Variants in NBPF14 observed in about 807,000 individuals in gnomAD.
The protein encoded by NBPF14 is NBPF member 14.
Under a neutral mutation model 91.2 loss-of-function variants are expected in NBPF14, and 104 were observed. The ratio of observed to expected loss-of-function variants is 1.14; its 90% confidence interval spans 0.97 to 1.34. The LOEUF (loss-of-function observed/expected upper bound fraction) is 1.34. NBPF14 is among the 40% of genes most tolerant of loss of function. The pLI is 0.00. For synonymous variants in NBPF14, 294 were observed against 303.8 expected (o/e 0.97, Z 0.34); for missense variants, 908 against 783.0 (o/e 1.16, Z -1.91).
intron 59 of NBPF14, among the ~76,000 whole-genome samples, chr1:148,542,262 G>C (rs1271777185): frequency 1.4e-5 from 1 of 70,830 alleles, no homozygotes; most frequent in Non-Finnish European, 2.2e-5. Context: ...AAACCCTTGA[G>C]TCAAAATCAT....
At chr1:148,572,393 T>C in intron 21 of NBPF14, 50 bp downstream of exon 21, 1 of 404,546 alleles carries the variant, frequency 2.5e-6, no homozygotes, top group South Asian at 2.3e-5. Flanking sequence ...ATATCACCCC[T>C]ATCTGGAAGA....
intron 69 of NBPF14, among the ~76,000 whole-genome samples, 162 bp downstream of exon 69, chr1:148,534,522 C>T (rs1270158014): frequency 6.6e-6 from 1 of 151,760 alleles, no homozygotes; most frequent in East Asian, 1.9e-4. Context: ...CATGTCTAGG[C>T]TTCCAGCTGA....
intron 36 of NBPF14, among the ~76,000 whole-genome samples, chr1:148,560,218 G>T (rs1452947078): frequency 6.6e-6 from 1 of 150,914 alleles, no homozygotes; most frequent in Non-Finnish European, 1.5e-5. Context: ...CTAGTGAATT[G>T]GCCAGGTGAC....
chr1:148,557,134 T>A, intron 40 of NBPF14, among the ~76,000 whole-genome samples: 2 of 115,532 alleles, frequency 1.7e-5, no homozygotes, highest in African/African-American at 4.5e-5. Flanking sequence ...GGTGACACAC[T>A]GATGAGGGAG....
At chr1:148,578,010 T>C in exon 14 of NBPF14, 1 of 674,846 alleles carries the variant, frequency 1.5e-6, no homozygotes, top group South Asian at 1.6e-5. Context: ...TTGGTCCTCC[T>C]TTTTCACTTG....
At chr1:148,588,650 C>T (rs1661971157) in intron 7 of NBPF14, among the ~76,000 whole-genome samples, 1 of 151,862 alleles carries the variant, frequency 6.6e-6, no homozygotes, top group Non-Finnish European at 1.5e-5. Flanking sequence ...ACTCCCTGCT[C>T]TTGATGCTGT....
Position 148,566,224 on chromosome 1 carries a change from G to A in NBPF14, c.3634C>T (p.Gln1212Ter). The stretch of plus-strand genomic sequence containing the variant: ...CCATAGGGCTGGCAGGAGTCAGGCT[G>A]TTCAAGACAACTGGAAGGAGTTGAA... Residue 1212 changes from glutamine (Q) to a stop codon, truncating the protein, a stop_gained, in exon 29 of 71, where the codon CAG becomes TAG. Coordinates refer to ENST00000619423, the Ensembl canonical transcript of NBPF14. LOFTEE classifies it high-confidence loss of function. The A allele has an allele frequency of 1.7e-6, 1 of 593,056 alleles. No homozygotes were observed. The highest frequency in any genetic ancestry group is 3.0e-6 in the Non-Finnish European group (1 of 337,160). The allele number at this position is 593,056 out of a possible 1,614,324, so 36.7% of individuals were successfully genotyped here.
At chr1:148,534,616 G>T in intron 69 of NBPF14, 68 bp downstream of exon 69, 3 of 908,054 alleles carry the variant, frequency 3.3e-6, no homozygotes, top group South Asian at 2.6e-5. Flanking sequence ...GGGCCACTTG[G>T]AATAGGAATA....
Position 148,590,427 on chromosome 1 carries a change from G to A in NBPF14, c.778+330C>T, listed in dbSNP as rs1240009127. ...TCTAGCCTGACAGAAGTGAATGAGA[G>A]TGGGAGGATCATCTCAGCCCATCCT... On this transcript the variant is annotated intron_variant, in intron 6 of 70. Coordinates refer to ENST00000619423, the Ensembl canonical transcript of NBPF14. 1.0e-4 allele frequency among the ~76,000 whole-genome samples: 13 copies of A among 129,350 alleles called. 2 individuals carry two copies. Among genetic ancestry groups the A allele is most frequent in the Non-Finnish European group, 1.7e-5 (1 of 58,544 alleles). 84.9% of individuals were successfully genotyped at this position (129,350 alleles called of 152,430 possible). A position where few individuals can be genotyped will look rare whatever the true frequency, so the allele number is the denominator to read the frequency against.
chr1:148,559,939 T>G (rs1657410189), exon 37 of NBPF14: 1 of 1,391,332 alleles, frequency 7.2e-7, no homozygotes, highest in Admixed American at 1.8e-5. Context: ...TTCAGGCCCT[T>G]TCTCATGCAG....
chr1:148,591,196 A>C (rs1486196082), intron 5 of NBPF14, among the ~76,000 whole-genome samples: 1 of 147,360 alleles, frequency 6.8e-6, no homozygotes, highest in Non-Finnish European at 1.5e-5. Flanking sequence ...CACTGAACAG[A>C]TAGGAGCTGA....
intron 7 of NBPF14, among the ~76,000 whole-genome samples, 172 bp from the exon 8 acceptor site, chr1:148,587,575 G>C (rs1661757812): frequency 6.8e-6 from 1 of 146,634 alleles, no homozygotes; most frequent in East Asian, 1.9e-4. Context: ...TCTGGCATCT[G>C]ATCCTCCAAA....
At chr1:148,592,381 C>T in intron 4 of NBPF14, among the ~76,000 whole-genome samples, 171 bp downstream of exon 4, 1 of 134,042 alleles carries the variant, frequency 7.5e-6, no homozygotes, top group Admixed American at 7.5e-5. Flanking sequence ...GACCTCCAAA[C>T]CCATGGGTTT....
At position 148,589,837 on chromosome 1, in the gene NBPF14, A is replaced by T. The variant is rs1437819524; in HGVS notation, c.779-444T>A. Among the ~76,000 whole-genome samples the T allele has an allele frequency of 2.7e-5, 4 of 148,306 alleles. 1 individual carries two copies. The highest frequency in any genetic ancestry group is 6.0e-5 in the Non-Finnish European group (4 of 66,264). Reference sequence around the variant, plus strand: ...CACCTCTGCCGTCCGGGTTCAAGCGATTCTCATCCCTCAGCCTGCCAAGCA... The same window carrying T: ...CACCTCTGCCGTCCGGGTTCAAGCGTTTCTCATCCCTCAGCCTGCCAAGCA... On this transcript the variant is annotated intron_variant, in intron 6 of 70. Transcript: ENST00000619423.
At chr1:148,534,217 C>G (rs1375030759) in intron 69 of NBPF14, among the ~76,000 whole-genome samples, 151 of 149,794 alleles carry the variant, frequency 1.0e-3, no homozygotes, top group East Asian at 1.9e-3. Flanking sequence ...TCCCAAGTTT[C>G]TGCAAACAGT....
At chr1:148,590,392 GGA>G (rs1292875921) in intron 6 of NBPF14, among the ~76,000 whole-genome samples, 12 of 138,684 alleles carry the variant, frequency 8.7e-5, no homozygotes, top group African/African-American at 2.8e-4. Flanking sequence ...CCAATGAAAA[GGA>G]GAGAGAGTCT....
chr1:148,566,527 A>G (rs1658380136), intron 28 of NBPF14, among the ~76,000 whole-genome samples: 1 of 130,448 alleles, frequency 7.7e-6, no homozygotes, highest in Admixed American at 7.4e-5. Context: ...ACACACACAC[A>G]CACACACACA....
At chr1:148,557,684 T>A in intron 39 of NBPF14, 142 bp from the exon 40 acceptor site, 1 of 619,934 alleles carries the variant, frequency 1.6e-6, no homozygotes, top group Non-Finnish European at 2.8e-6. Flanking sequence ...TCAGGAGGCC[T>A]GAAAGCTGGT....
At chr1:148,591,495 T>C (rs1398177927) in exon 5 of NBPF14, 1 of 1,608,684 alleles carries the variant, frequency 6.2e-7, no homozygotes, top group Non-Finnish European at 8.5e-7. Flanking sequence ...ATCCTCATCT[T>C]CGTCATTTTC....
Sources: gnomAD v4.1 joint callset for allele counts (sites outside exome capture counted in the v4.1 genomes callset) on GRCh38, gnomAD v4.1.1 for gene constraint, MANE v1.5 for transcripts, NCBI Gene and HGNC (gene_info 2026-07-23, HGNC 2026-07-21) for gene names.